The following NR3C2 variants were observed in gnomAD, a reference collection of about 807,000 sequenced individuals.
NR3C2 encodes the protein mineralocorticoid receptor.
A neutral mutation model predicts 86.4 loss-of-function variants in NR3C2; 15 were observed. The ratio of observed to expected loss-of-function variants is 0.17; its 90% CI spans 0.12 to 0.27. The LOEUF (loss-of-function observed/expected upper bound fraction) is 0.27, where lower values mean the gene tolerates loss of function less well. Ranked by LOEUF, NR3C2 falls within the 10% of genes least tolerant of loss-of-function variation. The pLI is 1.00. For missense variants in NR3C2, 960 were observed against 1,195.6 expected (o/e 0.80, Z 2.91); for synonymous variants, 458 against 450.5 (o/e 1.02, Z -0.21).
chr4:148,368,853 T>C (rs1746276848), intron 2 of NR3C2, among the ~76,000 whole-genome samples: 1 of 152,200 alleles, frequency 6.6e-6, no homozygotes, highest in African/African-American at 2.4e-5. Flanking sequence ...TCCAGCATGA[T>C]TTCCCAAAAG....
At chr4:148,332,950 C>T (rs758983429) in intron 2 of NR3C2, among the ~76,000 whole-genome samples, 1 of 152,034 alleles carries the variant, frequency 6.6e-6, no homozygotes, top group African/African-American at 2.4e-5. Flanking sequence ...TAAAAAATAA[C>T]AAGACACACA....
chr4:148,397,002 G>C (rs1165594761), intron 2 of NR3C2, among the ~76,000 whole-genome samples: 6 of 151,982 alleles, frequency 3.9e-5, no homozygotes, highest in Non-Finnish European at 8.8e-5. Context: ...ACATTAACTT[G>C]TACAAATGTT....
chr4:148,200,873 T>G (rs1736685307), intron 3 of NR3C2, among the ~76,000 whole-genome samples: 1 of 152,176 alleles, frequency 6.6e-6, no homozygotes, highest in African/African-American at 2.4e-5. Flanking sequence ...TACCTGCCTC[T>G]ACTAATACAC....
chr4:148,406,368 T>C (rs1456534754), intron 2 of NR3C2, among the ~76,000 whole-genome samples: 2 of 152,016 alleles, frequency 1.3e-5, no homozygotes, highest in African/African-American at 2.4e-5. Context: ...AGGTCAGAGT[T>C]CGGAATGCCT....
chr4:148,172,358 C>T (rs1468466852), intron 4 of NR3C2, among the ~76,000 whole-genome samples: 2 of 152,104 alleles, frequency 1.3e-5, no homozygotes, highest in Non-Finnish European at 2.9e-5. Flanking sequence ...TAGAATTCCT[C>T]GCCAAGGACT....
chr4:148,386,165 A>G (rs1051292132), intron 2 of NR3C2, among the ~76,000 whole-genome samples: 1 of 152,126 alleles, frequency 6.6e-6, no homozygotes, highest in Non-Finnish European at 1.5e-5. Flanking sequence ...ACCAATGACA[A>G]TGAACCTGGG....
intron 2 of NR3C2, among the ~76,000 whole-genome samples, chr4:148,385,233 A>T (rs2126464998): frequency 6.6e-6 from 1 of 152,342 alleles, no homozygotes; most frequent in South Asian, 2.1e-4. Context: ...CCATTATATA[A>T]TAGGAAGAAA....
chr4:148,421,749 T>A (rs910009664), intron 2 of NR3C2, among the ~76,000 whole-genome samples: 2 of 152,160 alleles, frequency 1.3e-5, no homozygotes, highest in African/African-American at 4.8e-5. Context: ...GGCAAGAATT[T>A]AACTTTTTAA....
At chr4:148,351,543 G>A (rs1030380762) in intron 2 of NR3C2, among the ~76,000 whole-genome samples, 1 of 152,086 alleles carries the variant, frequency 6.6e-6, no homozygotes, top group African/African-American at 2.4e-5. Context: ...ATTGACCTTT[G>A]TCAGCAGTGG....
chr4:148,435,072 G>C (rs1579294493), intron 2 of NR3C2, 32 bp downstream of exon 2: 1 of 1,607,008 alleles, frequency 6.2e-7, no homozygotes. Context: ...ATAAAGCCAT[G>C]ACTTCCAAAA....
chr4:148,176,074 G>A (rs1317333937), intron 4 of NR3C2, among the ~76,000 whole-genome samples: 1 of 152,154 alleles, frequency 6.6e-6, no homozygotes, highest in African/African-American at 2.4e-5. Context: ...AGTTTCTGGG[G>A]GGAAACAGTA....
At chr4:148,254,952 TGCC>T in intron 3 of NR3C2, among the ~76,000 whole-genome samples, 2 of 152,306 alleles carry the variant, frequency 1.3e-5, no homozygotes, top group East Asian at 3.9e-4. Flanking sequence ...AACTGTACAT[TGCC>T]AGCTATAAGG....
chr4:148,309,634 A>G (rs1467486213), intron 2 of NR3C2, among the ~76,000 whole-genome samples: 2 of 152,066 alleles, frequency 1.3e-5, no homozygotes, highest in Non-Finnish European at 2.9e-5. Context: ...TTTTGCCCTT[A>G]AAAAACCCAC....
At chr4:148,156,489 G>A (rs1028795494) in intron 4 of NR3C2, among the ~76,000 whole-genome samples, 1 of 152,234 alleles carries the variant, frequency 6.6e-6, no homozygotes, top group Non-Finnish European at 1.5e-5. Flanking sequence ...AGACATTTAT[G>A]CAAAGGATAT....
chr4:148,174,626 C>G (rs1382694701), intron 4 of NR3C2, among the ~76,000 whole-genome samples: 2 of 152,172 alleles, frequency 1.3e-5, no homozygotes, highest in Admixed American at 1.3e-4. Flanking sequence ...CTCTGCGTCT[C>G]CCCAGGGGGT....
At chr4:148,112,227 C>G (rs1012509945) in intron 8 of NR3C2, among the ~76,000 whole-genome samples, 2 of 152,180 alleles carry the variant, frequency 1.3e-5, no homozygotes, top group East Asian at 3.9e-4. Flanking sequence ...TTCCAAAGGG[C>G]TTTTGAAAAA....
intron 2 of NR3C2, among the ~76,000 whole-genome samples, chr4:148,280,611 A>C (rs780262509): frequency 1.3e-5 from 2 of 152,110 alleles, no homozygotes; most frequent in African/African-American, 4.8e-5. Context: ...TAATCCTCCC[A>C]TCTCAGCCTC....
chr4:148,394,198 G>A (rs1444426126), intron 2 of NR3C2, among the ~76,000 whole-genome samples: 2 of 152,160 alleles, frequency 1.3e-5, no homozygotes, highest in Non-Finnish European at 2.9e-5. Flanking sequence ...CAGAGGACCA[G>A]AGCTGCCTGA....
chr4:148,271,136 C>G (rs978155574), intron 2 of NR3C2, among the ~76,000 whole-genome samples: 36 of 152,178 alleles, frequency 2.4e-4, no homozygotes, highest in Admixed American at 1.9e-3. Context: ...CACTCCCAGA[C>G]AGTAGAGTTC....
Sources: gnomAD v4.1 joint callset for allele counts (sites outside exome capture counted in the v4.1 genomes callset) on GRCh38, gnomAD v4.1.1 for gene constraint, MANE v1.5 for transcripts, NCBI Gene and HGNC (gene_info 2026-07-23, HGNC 2026-07-21) for gene names.